Variants in CDH10 observed in about 807,000 individuals in gnomAD.
CDH10 encodes cadherin 10.
Under a neutral mutation model 73.1 loss-of-function variants are expected in CDH10, and 30 were observed. That is an observed-to-expected ratio of 0.41 (90% CI 0.31 to 0.56). CDH10 has a LOEUF of 0.56. Ranked by LOEUF, CDH10 falls within the 20% of genes least tolerant of loss-of-function variation. The pLI is 0.27. For missense variants in CDH10, 815 were observed against 973.7 expected, an observed-to-expected ratio of 0.84 and a Z score of 2.17; for synonymous variants, 345 against 348.2, an observed-to-expected ratio of 0.99 and a Z score of 0.10.
chr5:24,606,446 A>G (rs571087792), intron 1 of CDH10, among the ~76,000 whole-genome samples: 1 of 152,184 alleles, frequency 6.6e-6, no homozygotes, highest in East Asian at 1.9e-4. Flanking sequence ...GCTTGTCTCT[A>G]CTAAAAATAC....
At chr5:24,495,665 GGT>G (rs1742250894) in intron 9 of CDH10, among the ~76,000 whole-genome samples, 1 of 151,878 alleles carries the variant, frequency 6.6e-6, no homozygotes, top group African/African-American at 2.4e-5. Flanking sequence ...TGGCCAACAT[GGT>G]GAAACCCTGC....
At chr5:24,519,217 C>G (rs6881282) in intron 5 of CDH10, among the ~76,000 whole-genome samples, 72,748 of 151,716 alleles carry the variant, frequency 0.48, 17,558 homozygotes, top group East Asian at 0.58. Flanking sequence ...GTTAAAAATT[C>G]TCAGTCTGCA....
intron 2 of CDH10, among the ~76,000 whole-genome samples, chr5:24,586,944 A>T (rs1000688082): frequency 1.4e-5 from 2 of 139,974 alleles, no homozygotes; most frequent in African/African-American, 5.6e-5. Context: ...TCCCGGGTTC[A>T]CGCCATTCTC....
chr5:24,616,386 A>G (rs1023981849), intron 1 of CDH10, among the ~76,000 whole-genome samples: 1 of 152,204 alleles, frequency 6.6e-6, no homozygotes, highest in Admixed American at 6.5e-5. Flanking sequence ...ATTGTAGGAA[A>G]GAACACTGAA....
At chr5:24,631,683 A>T (rs1382859485) in intron 1 of CDH10, among the ~76,000 whole-genome samples, 1 of 152,008 alleles carries the variant, frequency 6.6e-6, no homozygotes, top group African/African-American at 2.4e-5. Flanking sequence ...TAAATAATTG[A>T]CAATGTACTT....
chr5:24,578,011 G>T (rs1453454468), intron 2 of CDH10, among the ~76,000 whole-genome samples: 4 of 152,098 alleles, frequency 2.6e-5, no homozygotes, highest in African/African-American at 9.7e-5. Context: ...GTCTCTATGA[G>T]GAAATGTGTA....
At chr5:24,520,978 C>T (rs1017186893) in intron 5 of CDH10, among the ~76,000 whole-genome samples, 9 of 66,596 alleles carry the variant, frequency 1.4e-4, no homozygotes, top group African/African-American at 2.7e-4. Flanking sequence ...GATTCGGCCT[C>T]CCAAAGCATG....
At chr5:24,512,294 G>A (rs1408206266) in intron 5 of CDH10, among the ~76,000 whole-genome samples, 1 of 151,816 alleles carries the variant, frequency 6.6e-6, no homozygotes, top group East Asian at 1.9e-4. Context: ...CGCAAGCCAC[G>A]CACCAACCAA....
At chr5:24,554,301 T>G (rs1402255582) in intron 2 of CDH10, 1 of 152,024 alleles carries the variant, frequency 6.6e-6, no homozygotes, top group African/African-American at 2.4e-5. Flanking sequence ...AATTTTGCAA[T>G]GTTAGGCAGC....
chr5:24,520,120 A>T (rs2111809343), intron 5 of CDH10, among the ~76,000 whole-genome samples: 1 of 152,360 alleles, frequency 6.6e-6, no homozygotes, highest in South Asian at 2.1e-4. Context: ...ATTTCCAAAT[A>T]AGCTCAAATT....
intron 1 of CDH10, chr5:24,613,341 C>T (rs894841064): frequency 2.6e-5 from 4 of 152,046 alleles, no homozygotes; most frequent in South Asian, 4.1e-4. Context: ...ATAAATAACA[C>T]GTGGTTACAT....
At chr5:24,557,660 G>GA (rs938336705) in intron 2 of CDH10, among the ~76,000 whole-genome samples, 2 of 151,204 alleles carry the variant, frequency 1.3e-5, no homozygotes, top group Non-Finnish European at 3.0e-5. Context: ...GTTTATAAAA[G>GA]AAAAAAAATA....
chr5:24,596,001 A>G lies in CDH10; in HGVS notation c.-123-2388T>C, dbSNP rs1193315628. 3.3e-5 allele frequency among the ~76,000 whole-genome samples: 5 copies of G among 152,082 alleles called. No homozygotes were observed. In the East Asian group the frequency reaches 9.7e-4, roughly 29 times the overall value. On this transcript the variant is annotated intron_variant, in intron 1 of 11. Coordinates refer to ENST00000264463, the MANE Select transcript of CDH10 (RefSeq NM_006727.5). The stretch of plus-strand genomic sequence containing the variant: ...TGAAGAATCCCCAGTAAAATGCATT[A>G]TTTAATACTGATGCAAGATAATTAG...
intron 9 of CDH10, among the ~76,000 whole-genome samples, chr5:24,493,184 T>A (rs971420399): frequency 6.6e-6 from 1 of 151,942 alleles, no homozygotes; most frequent in Non-Finnish European, 1.5e-5. Flanking sequence ...TTTTATTAAT[T>A]TAGATATAGC....
At chr5:24,598,772 A>C (rs6884506) in intron 1 of CDH10, among the ~76,000 whole-genome samples, 149,224 of 152,180 alleles carry the variant, frequency 0.98, 73,224 homozygotes, top group East Asian at 1. Flanking sequence ...GACTAAAATT[A>C]TCTCCTTCAA....
In CDH10 at chr5:24,537,478, T is replaced by C. The variant is rs2111894070; in HGVS notation, c.428A>G (p.Glu143Gly). ...NRRTLRPVEP[E>G]SEFVIKIHDI... is the part of the protein sequence containing the mutation. The stretch of plus-strand genomic sequence containing the variant: ...ATGAATTTTGATCACAAACTCTGAC[T>C]CTGGCTCTACTGGCCTCAGAGTTCT... The change falls in exon 3 of 12, where the codon GAG becomes GGG. Residue 143 changes from glutamate (E) to glycine (G), a missense_variant. Around this residue, in one of 3 missense-constraint regions of CDH10, gnomAD observed 516 missense variants for 636.6 expected, o/e 0.81. Transcript: ENST00000264463. 6.2e-7 allele frequency: 1 copy of C among 1,612,728 alleles called. No individual in the cohort carries two copies. The highest frequency in any genetic ancestry group is 8.5e-7 in the Non-Finnish European group (1 of 1,178,900).
chr5:24,553,811 C>T (rs1033443448), intron 2 of CDH10, among the ~76,000 whole-genome samples: 4 of 151,842 alleles, frequency 2.6e-5, no homozygotes, highest in South Asian at 4.2e-4. Context: ...ATGGAGAGAA[C>T]GTAAGTAGCT....
intron 2 of CDH10, among the ~76,000 whole-genome samples, chr5:24,571,790 G>A (rs1272776455): frequency 2.0e-5 from 3 of 152,148 alleles, no homozygotes; most frequent in Admixed American, 2.0e-4. Context: ...GACTCGTAGT[G>A]TTTGCCAATT....
intron 5 of CDH10, among the ~76,000 whole-genome samples, chr5:24,533,566 T>A (rs1458545350): frequency 1.3e-5 from 2 of 152,066 alleles, no homozygotes; most frequent in African/African-American, 4.8e-5. Flanking sequence ...ATAAAATACT[T>A]TTTTTCTCCA....
Sources: gnomAD v4.1 joint callset for allele counts (sites outside exome capture counted in the v4.1 genomes callset) on GRCh38, gnomAD v4.1.1 for gene constraint, gnomAD v4.1.1 regional missense constraint, MANE v1.5 for transcripts, NCBI Gene and HGNC (gene_info 2026-07-23, HGNC 2026-07-21) for gene names.